The following LRP1B variants were observed in gnomAD, a reference collection of about 807,000 sequenced individuals.
The protein encoded by LRP1B is low-density lipoprotein receptor-related protein 1B.
In LRP1B, 217 loss-of-function variants were observed where a neutral mutation model predicts 556.6. The observed-to-expected ratio is 0.39, with a 90% CI of 0.35 to 0.44. LRP1B has a LOEUF of 0.44. Among genes scored for constraint, LRP1B ranks in the 20% least tolerant of loss-of-function variants. LRP1B has a pLI of 1.00. For missense variants in LRP1B, 5,053 were observed against 5,620.8 expected, an observed-to-expected ratio of 0.90 and a Z score of 3.23; for synonymous variants, 2,047 against 1,865.8, an observed-to-expected ratio of 1.10 and a Z score of -2.50.
chr2:141,340,274 C>A (rs904588062), intron 3 of LRP1B, among the ~76,000 whole-genome samples: 10 of 152,172 alleles, frequency 6.6e-5, no homozygotes, highest in African/African-American at 1.4e-4. Context: ...TTATTACAAG[C>A]CTCATGTGAG....
intron 63 of LRP1B, among the ~76,000 whole-genome samples, chr2:140,445,374 C>T (rs537728004): frequency 6.6e-6 from 1 of 152,100 alleles, no homozygotes; most frequent in African/African-American, 2.4e-5. Context: ...CCCTCGGGCA[C>T]CAAGTTTTGG....
chr2:141,721,371 T>G (rs1692807216), intron 2 of LRP1B, among the ~76,000 whole-genome samples: 1 of 152,176 alleles, frequency 6.6e-6, no homozygotes, highest in Non-Finnish European at 1.5e-5. Context: ...TTGCTTGTAT[T>G]AATTTGCTAA....
In LRP1B at chr2:141,175,745, C is replaced by T. The variant is rs76285755; in HGVS notation, c.1013+12676G>A. Reference sequence around the variant, plus strand: ...GAGCTATGAGAAGATTACCACCATCCTCCAGACGCCAGAATGGAAGATCTA... The same window carrying T: ...GAGCTATGAGAAGATTACCACCATCTTCCAGACGCCAGAATGGAAGATCTA... On this transcript the variant is annotated intron_variant, in intron 7 of 90. Transcript: ENST00000389484. Among the ~76,000 whole-genome samples, 595 of 152,164 alleles carry T rather than the reference C, an allele frequency of 3.9e-3. 5 individuals carry two copies. Among genetic ancestry groups the T allele is most frequent in the African/African-American group, 0.013 (540 of 41,538 alleles).
chr2:140,274,907 G>A (rs1492393), intron 84 of LRP1B, among the ~76,000 whole-genome samples: 62,999 of 151,760 alleles, frequency 0.42, 14,186 homozygotes, highest in African/African-American at 0.59. Context: ...AATGAACAAC[G>A]TAAGTATAGT....
At chr2:141,077,672 T>C (rs1699823039) in intron 7 of LRP1B, among the ~76,000 whole-genome samples, 1 of 152,190 alleles carries the variant, frequency 6.6e-6, no homozygotes. Flanking sequence ...GAGGAAGAAG[T>C]TCCACCTGTG....
At chr2:141,550,942 A>G (rs1685728791) in intron 2 of LRP1B, among the ~76,000 whole-genome samples, 1 of 152,056 alleles carries the variant, frequency 6.6e-6, no homozygotes, top group African/African-American at 2.4e-5. Context: ...AACATCATTT[A>G]TTTACATATA....
intron 3 of LRP1B, among the ~76,000 whole-genome samples, chr2:141,416,504 A>C (rs2104954506): frequency 7.8e-6 from 1 of 127,832 alleles, no homozygotes; most frequent in Non-Finnish European, 1.5e-5. Context: ...CCCAGACTGG[A>C]GTGCAGTGAT....
intron 3 of LRP1B, among the ~76,000 whole-genome samples, chr2:141,399,891 A>G (rs1051009660): frequency 1.3e-5 from 2 of 152,192 alleles, no homozygotes; most frequent in Admixed American, 1.3e-4. Flanking sequence ...AATAAATAGT[A>G]AGGAGAAAGC....
chr2:140,400,014 G>C (rs950111669), intron 66 of LRP1B, among the ~76,000 whole-genome samples: 1 of 152,156 alleles, frequency 6.6e-6, no homozygotes, highest in Non-Finnish European at 1.5e-5. Flanking sequence ...TAGAGCAGAA[G>C]AACAACAACA....
At chr2:141,025,761 T>C (rs1698200897) in intron 11 of LRP1B, among the ~76,000 whole-genome samples, 1 of 152,118 alleles carries the variant, frequency 6.6e-6, no homozygotes, top group Non-Finnish European at 1.5e-5. Context: ...ACATTCTGTT[T>C]GTTCTGTTTC....
chr2:140,985,744 T>C (rs1696902256), intron 17 of LRP1B, among the ~76,000 whole-genome samples: 2 of 150,670 alleles, frequency 1.3e-5, no homozygotes, highest in African/African-American at 2.4e-5. Flanking sequence ...CAATTGTTCT[T>C]TTTTTTTTCC....
rs2105386020 is a variant in LRP1B, at chr2:141,013,760, C to A, written c.2191-15G>T. On this transcript the variant is annotated splice_polypyrimidine_tract_variant and intron_variant, in intron 13 of 90. Transcript: ENST00000389484. ...CTGTAAACAATCTGTAAAATATAAA[C>A]ACATTGTGAAAAATCAGAACTGACC... is the stretch of plus-strand genomic sequence containing the variant. 6.7e-7 allele frequency: 1 copy of A among 1,485,432 alleles called. No individual in the cohort carries two copies. The highest frequency in any genetic ancestry group is 2.3e-5 in the Admixed American group (1 of 42,886). 92.0% of individuals were successfully genotyped at this position (1,485,432 alleles called of 1,614,324 possible). A position where few individuals can be genotyped will look rare whatever the true frequency, so the allele number is the denominator to read the frequency against.
chr2:141,285,940 G>A (rs1157479377), intron 3 of LRP1B, among the ~76,000 whole-genome samples: 7 of 147,848 alleles, frequency 4.7e-5, no homozygotes, highest in African/African-American at 7.3e-5. Flanking sequence ...AGTGGCGGGC[G>A]CCTGTAGTCC....
intron 2 of LRP1B, among the ~76,000 whole-genome samples, chr2:141,578,570 T>A (rs1686845136): frequency 6.6e-6 from 1 of 152,106 alleles, no homozygotes; most frequent in Non-Finnish European, 1.5e-5. Context: ...AGTAGTGAGT[T>A]CATCAATGAA....
intron 2 of LRP1B, among the ~76,000 whole-genome samples, chr2:141,643,370 T>C (rs1456980365): frequency 2.0e-5 from 3 of 152,204 alleles, no homozygotes; most frequent in Non-Finnish European, 4.4e-5. Flanking sequence ...GTAAAGGGTA[T>C]TCTATTCACA....
intron 20 of LRP1B, among the ~76,000 whole-genome samples, chr2:140,927,249 G>A (rs1276352620): frequency 1.3e-5 from 2 of 152,296 alleles, no homozygotes; most frequent in South Asian, 2.1e-4. Flanking sequence ...AGATTGCAAT[G>A]AGCCAAGATG....
chr2:141,070,577 G>A (rs1195498253), intron 7 of LRP1B, among the ~76,000 whole-genome samples: 1 of 151,938 alleles, frequency 6.6e-6, no homozygotes, highest in Admixed American at 6.6e-5. Flanking sequence ...CTGGTTTTTT[G>A]AAAGGATCAA....
chr2:141,217,335 T>C (rs1189906155), intron 6 of LRP1B, among the ~76,000 whole-genome samples: 1 of 152,214 alleles, frequency 6.6e-6, no homozygotes, highest in Non-Finnish European at 1.5e-5. Context: ...ATAGTATACA[T>C]GTGTTATAAT....
chr2:141,553,457 G>A (rs570165770), intron 2 of LRP1B, among the ~76,000 whole-genome samples: 2 of 151,542 alleles, frequency 1.3e-5, no homozygotes, highest in East Asian at 3.9e-4. Flanking sequence ...AGCCACATGT[G>A]CATACTGGAC....
Sources: allele counts gnomAD v4.1 joint callset (sites outside exome capture counted in the v4.1 genomes callset), GRCh38; gene constraint gnomAD v4.1.1; transcripts MANE v1.5; gene names NCBI Gene and HGNC (gene_info 2026-07-23, HGNC 2026-07-21).